Variants in PLCB4 observed in about 807,000 individuals in gnomAD.
The protein encoded by PLCB4 is 1-phosphatidylinositol 4,5-bisphosphate phosphodiesterase beta-4.
Under a neutral mutation model 178.8 loss-of-function variants are expected in PLCB4, and 77 were observed. The observed-to-expected ratio is 0.43, with a 90% CI of 0.36 to 0.52. The LOEUF is 0.52. Among genes scored for constraint, PLCB4 ranks in the 20% least tolerant of loss-of-function variants. PLCB4 has a pLI of 0.00. For synonymous variants in PLCB4, 496 were observed against 490.8 expected (o/e 1.01, Z -0.14); for missense variants, 1,024 against 1,453.4 (o/e 0.70, Z 4.80).
At chr20:9,242,352 G>A (rs930919567) in intron 3 of PLCB4, among the ~76,000 whole-genome samples, 4 of 152,174 alleles carry the variant, frequency 2.6e-5, no homozygotes, top group Non-Finnish European at 5.9e-5. Context: ...TTTAAAGAAG[G>A]GGATTTGGGA....
intron 2 of PLCB4, among the ~76,000 whole-genome samples, chr20:9,210,847 G>C (rs2093665109): frequency 6.6e-6 from 1 of 152,134 alleles, no homozygotes; most frequent in Non-Finnish European, 1.5e-5. Flanking sequence ...AGTTCTAGAA[G>C]TTTTGTCTGT....
chr20:9,452,701 T>G (rs2042838347), intron 32 of PLCB4, among the ~76,000 whole-genome samples: 1 of 152,190 alleles, frequency 6.6e-6, no homozygotes, highest in South Asian at 2.1e-4. Flanking sequence ...GAAAATGTTT[T>G]AAATATCTGT....
intron 8 of PLCB4, among the ~76,000 whole-genome samples, chr20:9,365,220 G>A (rs1457037636): frequency 6.6e-6 from 1 of 152,088 alleles, no homozygotes; most frequent in Non-Finnish European, 1.5e-5. Context: ...TGGAATGTTT[G>A]GAGCATACTT....
intron 17 of PLCB4, 138 bp from the exon 18 acceptor site, chr20:9,393,450 A>G: frequency 1.7e-6 from 1 of 600,762 alleles, no homozygotes. Flanking sequence ...GGGGAGTGAA[A>G]ACAGAAGGCT....
chr20:9,420,820 A>T (rs6056607), intron 26 of PLCB4, among the ~76,000 whole-genome samples: 13,289 of 152,206 alleles, frequency 0.087, 910 homozygotes, highest in East Asian at 0.24. Context: ...AAACTGTCCT[A>T]GCTGACCAGT....
intron 3 of PLCB4, among the ~76,000 whole-genome samples, chr20:9,264,347 C>T (rs942130302): frequency 1.3e-5 from 2 of 152,110 alleles, no homozygotes; most frequent in African/African-American, 2.4e-5. Context: ...TTTGCAGGAA[C>T]GCTTTAATTA....
At chr20:9,332,502 C>T (rs965553406) in intron 4 of PLCB4, among the ~76,000 whole-genome samples, 12 of 152,154 alleles carry the variant, frequency 7.9e-5, no homozygotes, top group African/African-American at 2.2e-4. Flanking sequence ...TGGTTTGAAG[C>T]ATTTGGTCCA....
intron 2 of PLCB4, among the ~76,000 whole-genome samples, chr20:9,156,445 A>G (rs1311408651): frequency 6.6e-6 from 1 of 152,174 alleles, no homozygotes; most frequent in African/African-American, 2.4e-5. Context: ...CCAGTGTTGC[A>G]CAGACCTGAG....
intron 3 of PLCB4, among the ~76,000 whole-genome samples, chr20:9,262,503 A>G (rs1258317850): frequency 2.0e-5 from 3 of 152,178 alleles, no homozygotes; most frequent in Admixed American, 2.0e-4. Flanking sequence ...TGTAAGGATG[A>G]TGAGACTGGA....
At chr20:9,219,559 C>T (rs191043072) in intron 3 of PLCB4, among the ~76,000 whole-genome samples, 45 of 152,278 alleles carry the variant, frequency 3.0e-4, no homozygotes, top group Non-Finnish European at 2.9e-5. Flanking sequence ...CCAATAGGAC[C>T]TGATTAGACT....
At chr20:9,162,166 A>G (rs1001286905) in intron 2 of PLCB4, among the ~76,000 whole-genome samples, 3 of 152,220 alleles carry the variant, frequency 2.0e-5, no homozygotes, top group Non-Finnish European at 4.4e-5. Flanking sequence ...CTTTAAAATA[A>G]TGTTCTCTGC....
chr20:9,478,961 T>G lies in PLCB4; in HGVS notation c.3573T>G (p.Asp1191Glu), dbSNP rs2044735891. The G allele has an allele frequency of 1.9e-6, 3 of 1,613,780 alleles. No homozygotes were observed. Among genetic ancestry groups the G allele is most frequent in the South Asian group, 1.1e-5 (1 of 91,056 alleles). The change falls in exon 40 of 40, where the codon GAT (aspartate) becomes GAG (glutamate). Residue 1191 changes from aspartate to glutamate, a missense_variant. Around this residue, in one of 7 missense-constraint regions of PLCB4, gnomAD observed 264 missense variants for 283.2 expected, o/e 0.93. Coordinates refer to ENST00000378473, the MANE Select transcript of PLCB4 (RefSeq NM_001377142.1). ...DAADGEIGSR[D>E]GPQTSNSSMK... ...CAGATGGTGAAATTGGAAGCCGAGA[T>G]GGACCGCAGACCAGCAACAGTAGTA...
chr20:9,380,309 C>G, intron 13 of PLCB4, 147 bp downstream of exon 13: 1 of 517,192 alleles, frequency 1.9e-6, no homozygotes, highest in East Asian at 3.1e-5. Flanking sequence ...CTCTTAAGTT[C>G]GTATAAATTT....
intron 35 of PLCB4, among the ~76,000 whole-genome samples, chr20:9,467,482 A>G (rs1032184612): frequency 1.3e-5 from 2 of 152,226 alleles, no homozygotes; most frequent in African/African-American, 2.4e-5. Flanking sequence ...TTTCAAAGCA[A>G]CAGCAGTATT....
chr20:9,215,868 AT>A (rs969946996), intron 2 of PLCB4, among the ~76,000 whole-genome samples: 6 of 152,198 alleles, frequency 3.9e-5, no homozygotes, highest in Non-Finnish European at 7.3e-5. Flanking sequence ...TCTTAACACA[AT>A]GGAGCCATAG....
At chr20:9,217,259 A>C (rs993873665) in intron 2 of PLCB4, 131 bp from the exon 3 acceptor site, 6 of 152,124 alleles carry the variant, frequency 3.9e-5, no homozygotes, top group African/African-American at 1.4e-4. Flanking sequence ...TTATGCCACT[A>C]ATTTTTTTTT....
At chr20:9,427,028 C>T (rs1243513755) in intron 28 of PLCB4, among the ~76,000 whole-genome samples, 1 of 152,092 alleles carries the variant, frequency 6.6e-6, no homozygotes, top group Non-Finnish European at 1.5e-5. Flanking sequence ...AATTCAAGAC[C>T]AGCCTGGCCA....
intron 2 of PLCB4, among the ~76,000 whole-genome samples, chr20:9,181,251 C>T (rs1242958504): frequency 6.6e-6 from 1 of 152,152 alleles, no homozygotes; most frequent in African/African-American, 2.4e-5. Flanking sequence ...TTTCTGCAAA[C>T]AGACTTCAGA....
chr20:9,390,771 A>G (rs140890011), intron 17 of PLCB4, among the ~76,000 whole-genome samples, 156 bp downstream of exon 17: 8 of 152,310 alleles, frequency 5.3e-5, no homozygotes, highest in African/African-American at 1.7e-4. Context: ...AGAGGGATGT[A>G]AAGAGACACA....
Sources: gnomAD v4.1 joint callset for allele counts (sites outside exome capture counted in the v4.1 genomes callset) on GRCh38, gnomAD v4.1.1 for gene constraint, gnomAD v4.1.1 regional missense constraint, MANE v1.5 for transcripts, NCBI Gene and HGNC (gene_info 2026-07-23, HGNC 2026-07-21) for gene names.